The following NOX4 variants were observed in gnomAD, a reference collection of about 807,000 sequenced individuals.
NOX4 encodes the protein NADPH oxidase 4.
Under a neutral mutation model 87.6 loss-of-function variants are expected in NOX4, and 69 were observed. The ratio of observed to expected loss-of-function variants is 0.79; its 90% CI spans 0.65 to 0.96. NOX4 has a LOEUF of 0.96. Among genes scored for constraint, NOX4 ranks in the 40% least tolerant of loss-of-function variants. The pLI is 0.00. For synonymous variants in NOX4, 275 were observed against 238.2 expected (o/e 1.15, Z -1.42); for missense variants, 680 against 681.5 (o/e 1.00, Z 0.02).
chr11:89,515,208 G>T, the NOX4 span, among the ~76,000 whole-genome samples: 4 of 152,042 alleles, frequency 2.6e-5, no homozygotes, highest in South Asian at 8.3e-4. Context: ...CAAAGTAGTT[G>T]TACCCTTTAA....
At chr11:89,413,451 G>A (rs1459432810) in intron 8 of NOX4, among the ~76,000 whole-genome samples, 1 of 152,126 alleles carries the variant, frequency 6.6e-6, no homozygotes, top group African/African-American at 2.4e-5. Context: ...ACAGATGAAT[G>A]GATAAAGAAA....
chr11:89,422,211 G>C (rs1943120006), intron 7 of NOX4, among the ~76,000 whole-genome samples: 1 of 151,950 alleles, frequency 6.6e-6, no homozygotes, highest in African/African-American at 2.4e-5. Flanking sequence ...TTCAAATAAA[G>C]ACACATGGAA....
intron 7 of NOX4, among the ~76,000 whole-genome samples, chr11:89,431,724 G>A (rs974861356): frequency 1.3e-5 from 2 of 152,322 alleles, no homozygotes; most frequent in African/African-American, 4.8e-5. Context: ...AGGATGTGGA[G>A]AAACAGGAAC....
intron 1 of NOX4, 26 bp downstream of exon 1, chr11:89,491,164 A>C (rs769707336): frequency 6.2e-7 from 1 of 1,610,188 alleles, no homozygotes; most frequent in Non-Finnish European, 8.5e-7. Flanking sequence ...GAGAGAACGC[A>C]AGGAGAGCCT....
rs749801133 is a variant in NOX4 at position 89,440,677 on chromosome 11, T to C, written c.475+11A>G. On this transcript the variant is annotated intron_variant, in intron 6 of 17. Transcript: ENST00000263317. ...CTAAACCTAAAGAAAAGGCTAAGAA[T>C]AACAACTTACCAGTTGTGAAGAGAA... 3.9e-6 allele frequency: 6 copies of C among 1,542,520 alleles called. No individual in the cohort carries two copies. The Admixed American group carries it at 9.4e-5, about 24-fold the overall frequency.
At chr11:89,574,496 G>T in the NOX4 span, among the ~76,000 whole-genome samples, 2 of 152,154 alleles carry the variant, frequency 1.3e-5, no homozygotes, top group Non-Finnish European at 2.9e-5. Context: ...GTTATAAGAT[G>T]ACATAAGGAA....
the NOX4 span, among the ~76,000 whole-genome samples, chr11:89,507,130 T>C: frequency 2.0e-5 from 3 of 151,948 alleles, no homozygotes; most frequent in African/African-American, 7.2e-5. Context: ...TAGATGAAGA[T>C]TTTCTGTGGC....
At chr11:89,488,997 G>T (rs1946739462) in intron 2 of NOX4, 4 of 702,366 alleles carry the variant, frequency 5.7e-6, no homozygotes, top group Non-Finnish European at 1.0e-5. Flanking sequence ...ACAGTTCCTG[G>T]ATTGGATGGA....
At chr11:89,340,974 A>C (rs1483858672) in intron 14 of NOX4, among the ~76,000 whole-genome samples, 1 of 152,144 alleles carries the variant, frequency 6.6e-6, no homozygotes, top group East Asian at 1.9e-4. Context: ...GGTTCTGCAA[A>C]AAAAATAGTA....
chr11:89,516,487 T>C, the NOX4 span, among the ~76,000 whole-genome samples: 2 of 152,066 alleles, frequency 1.3e-5, no homozygotes, highest in African/African-American at 4.8e-5. Flanking sequence ...CAGGCTTTTT[T>C]TTAAATCTCA....
intron 6 of NOX4, among the ~76,000 whole-genome samples, chr11:89,436,012 A>G (rs535667341): frequency 6.6e-6 from 1 of 152,320 alleles, no homozygotes; most frequent in Admixed American, 6.5e-5. Flanking sequence ...AGTGATCAAA[A>G]AGTCAGGGGT....
the NOX4 span, chr11:89,577,119 C>A: frequency 6.6e-6 from 1 of 151,948 alleles, no homozygotes; most frequent in Admixed American, 6.6e-5. Flanking sequence ...TTATCTCCTT[C>A]AAAAACTTTT....
intron 13 of NOX4, among the ~76,000 whole-genome samples, chr11:89,348,665 C>T (rs551847434): frequency 3.3e-5 from 5 of 152,222 alleles, no homozygotes; most frequent in Admixed American, 2.0e-4. Context: ...CCTTATACCT[C>T]GACTCCAAGT....
At chr11:89,584,296 GT>G in the NOX4 span, among the ~76,000 whole-genome samples, 2 of 152,114 alleles carry the variant, frequency 1.3e-5, no homozygotes, top group African/African-American at 4.8e-5. Flanking sequence ...TGCTCACTGT[GT>G]TTCTGTACCT....
At chr11:89,522,909 G>A in the NOX4 span, among the ~76,000 whole-genome samples, 1 of 152,088 alleles carries the variant, frequency 6.6e-6, no homozygotes, top group African/African-American at 2.4e-5. Flanking sequence ...ACGGTAGAGA[G>A]GTCTCATTCG....
At chr11:89,580,018 A>G in the NOX4 span, among the ~76,000 whole-genome samples, 1 of 152,204 alleles carries the variant, frequency 6.6e-6, no homozygotes, top group Admixed American at 6.5e-5. Context: ...CTTAGATTGC[A>G]TCCTGGGAAA....
intron 17 of NOX4, among the ~76,000 whole-genome samples, chr11:89,329,598 A>C (rs1945385370): frequency 6.6e-6 from 1 of 151,988 alleles, no homozygotes. Context: ...ACATAAAACC[A>C]AACAGACTGG....
the NOX4 span, among the ~76,000 whole-genome samples, chr11:89,581,871 A>G: frequency 6.6e-6 from 1 of 152,242 alleles, no homozygotes; most frequent in South Asian, 2.1e-4. Flanking sequence ...CTTTTGCAGG[A>G]GTACTTGACA....
intron 7 of NOX4, among the ~76,000 whole-genome samples, chr11:89,428,735 A>G (rs976443830): frequency 6.6e-6 from 1 of 152,172 alleles, no homozygotes; most frequent in Non-Finnish European, 1.5e-5. Flanking sequence ...GAGACCTACA[A>G]AGAGACTTAG....
Sources: gnomAD v4.1 joint callset for allele counts (sites outside exome capture counted in the v4.1 genomes callset) on GRCh38, gnomAD v4.1.1 for gene constraint, MANE v1.5 for transcripts, NCBI Gene and HGNC (gene_info 2026-07-23, HGNC 2026-07-21) for gene names.